Variants in SHC4 observed in about 807,000 individuals in gnomAD.
SHC4 encodes the protein SHC-transforming protein 4.
In SHC4, 41 loss-of-function variants were observed where a neutral mutation model predicts 69.4. The observed-to-expected ratio is 0.59, with a 90% CI of 0.46 to 0.77. SHC4 has a LOEUF of 0.77. Ranked by LOEUF, SHC4 falls within the 30% of genes least tolerant of loss-of-function variation. The pLI is 0.00. For missense variants in SHC4, 777 were observed against 783.8 expected (o/e 0.99, Z 0.10); for synonymous variants, 318 against 299.3 (o/e 1.06, Z -0.64).
At chr15:48,843,315 T>C in intron 10 of SHC4, 94 bp downstream of exon 10, 1 of 1,289,986 alleles carries the variant, frequency 7.8e-7, no homozygotes, top group Non-Finnish European at 1.1e-6. Context: ...TTTGGACTTC[T>C]GGCCTCCAGA....
At chr15:48,939,556 G>T (rs532348755) in intron 1 of SHC4, among the ~76,000 whole-genome samples, 2 of 152,300 alleles carry the variant, frequency 1.3e-5, no homozygotes, top group South Asian at 4.1e-4. Flanking sequence ...GGCAGAAGCT[G>T]GTTCTCATTT....
chr15:48,833,946 T>C (rs764294631), intron 11 of SHC4, among the ~76,000 whole-genome samples: 35 of 152,224 alleles, frequency 2.3e-4, no homozygotes, highest in Non-Finnish European at 4.0e-4. Flanking sequence ...TTTTGGTCAA[T>C]ATAGAGTTGT....
chr15:48,857,738 A>C lies in SHC4; in HGVS notation c.1024T>G (p.Phe342Val), dbSNP rs147900034. Residue 342 changes from phenylalanine to valine, a missense_variant, in exon 7 of 12, where the codon TTT (phenylalanine) becomes GTT (valine). Phe to Val is a conservative substitution (Grantham distance 50). Coordinates refer to ENST00000332408, the MANE Select transcript of SHC4 (RefSeq NM_203349.4). Reference sequence around the variant, plus strand: ...GAAGGATTTTTCAAGTACTGTTTAAACCGGAGTTCAAAAGCCTGCCCTATG... The same window carrying C: ...GAAGGATTTTTCAAGTACTGTTTAACCCGGAGTTCAAAAGCCTGCCCTATG... ...STIGQAFELR[F>V]KQYLKNPSLN... is the part of the protein sequence containing the mutation. 3.1e-6 allele frequency: 5 copies of C among 1,606,678 alleles called. No homozygotes were observed. In the African/African-American group the frequency reaches 5.3e-5, roughly 17 times the overall value.
chr15:48,895,849 G>A (rs1031832076), intron 2 of SHC4, among the ~76,000 whole-genome samples: 1 of 152,310 alleles, frequency 6.6e-6, no homozygotes, highest in African/African-American at 2.4e-5. Context: ...TAGGGAGGCC[G>A]AGGCAGGAGT....
In SHC4 at chr15:48,859,107, A is replaced by C. The variant is rs563693002; in HGVS notation, c.947-1292T>G. 8.7e-4 allele frequency among the ~76,000 whole-genome samples: 132 copies of C among 152,286 alleles called. 1 individual carries two copies. The highest frequency in any genetic ancestry group is 2.9e-3 in the African/African-American group (121 of 41,554). ...TATGCTTTGCATTGTCTTGGAAAAA[A>C]TTCATATTTATTTGAAGTAAAAGGC... is the stretch of plus-strand genomic sequence containing the variant. On this transcript the variant is annotated intron_variant, in intron 6 of 11. Coordinates refer to ENST00000332408, the MANE Select transcript of SHC4 (RefSeq NM_203349.4).
At chr15:48,878,366 C>A in intron 4 of SHC4, 6 of 1,613,154 alleles carry the variant, frequency 3.7e-6, no homozygotes, top group Non-Finnish European at 4.2e-6. Context: ...GGAGGAGGCC[C>A]AGCCAATGGC....
intron 4 of SHC4, among the ~76,000 whole-genome samples, chr15:48,880,663 T>C (rs1899922862): frequency 6.6e-6 from 1 of 152,130 alleles, no homozygotes; most frequent in Non-Finnish European, 1.5e-5. Flanking sequence ...GAGAAAAACC[T>C]GGGCTCTGCA....
At chr15:48,921,093 A>G (rs918508180) in intron 2 of SHC4, among the ~76,000 whole-genome samples, 2 of 152,242 alleles carry the variant, frequency 1.3e-5, no homozygotes, top group East Asian at 1.9e-4. Flanking sequence ...GACAAAATGT[A>G]GTATAGACGT....
intron 6 of SHC4, among the ~76,000 whole-genome samples, chr15:48,861,425 T>C (rs774080657): frequency 6.6e-6 from 1 of 152,238 alleles, no homozygotes; most frequent in Non-Finnish European, 1.5e-5. Context: ...TTGCCTCTCA[T>C]AGACATGCTA....
chr15:48,882,276 G>A (rs759973312), intron 4 of SHC4, among the ~76,000 whole-genome samples: 4 of 152,024 alleles, frequency 2.6e-5, no homozygotes, highest in Non-Finnish European at 5.9e-5. Flanking sequence ...AGGCCTGCAG[G>A]AAAGCTCAAA....
intron 1 of SHC4, among the ~76,000 whole-genome samples, chr15:48,928,788 T>A (rs1390708579): frequency 3.3e-5 from 5 of 152,052 alleles, no homozygotes; most frequent in Non-Finnish European, 7.4e-5. Context: ...CACAGGTGAC[T>A]CCCTGTTGCA....
intron 1 of SHC4, among the ~76,000 whole-genome samples, chr15:48,929,729 C>T (rs1372380628): frequency 6.6e-6 from 1 of 152,194 alleles, no homozygotes; most frequent in East Asian, 1.9e-4. Flanking sequence ...AGAGGACACT[C>T]CCTAATTCCC....
chr15:48,864,073 G>A (rs556236029), intron 6 of SHC4, among the ~76,000 whole-genome samples: 4 of 152,176 alleles, frequency 2.6e-5, no homozygotes, highest in African/African-American at 9.6e-5. Flanking sequence ...TTATTAGATT[G>A]TTTGTTTATT....
intron 1 of SHC4, among the ~76,000 whole-genome samples, chr15:48,928,581 T>C (rs1900898086): frequency 6.6e-6 from 1 of 152,202 alleles, no homozygotes; most frequent in Non-Finnish European, 1.5e-5. Flanking sequence ...CCATTCATTT[T>C]GGTTATCAAT....
At chr15:48,859,251 T>C (rs1039046432) in intron 6 of SHC4, among the ~76,000 whole-genome samples, 2 of 152,142 alleles carry the variant, frequency 1.3e-5, no homozygotes, top group East Asian at 3.9e-4. Context: ...GATATTCTCA[T>C]TCCAAAACTA....
intron 2 of SHC4, 48 bp downstream of exon 2, chr15:48,924,831 G>T: frequency 6.3e-7 from 1 of 1,579,360 alleles, no homozygotes; most frequent in South Asian, 1.1e-5. Context: ...AAATTATTGT[G>T]ACTTTAAACC....
chr15:48,907,899 G>A (rs183429642), intron 2 of SHC4, among the ~76,000 whole-genome samples: 18 of 143,786 alleles, frequency 1.3e-4, no homozygotes, highest in African/African-American at 4.2e-4. Flanking sequence ...TCCACTTGTT[G>A]ATTGATGGGC....
At chr15:48,872,021 T>C in intron 5 of SHC4, 68 bp downstream of exon 5, 7 of 964,022 alleles carry the variant, frequency 7.3e-6, no homozygotes, top group Admixed American at 2.3e-5. Context: ...TATTTTATTA[T>C]CATCCAGCCC....
At chr15:48,916,237 G>A (rs1900617290) in intron 2 of SHC4, among the ~76,000 whole-genome samples, 1 of 150,436 alleles carries the variant, frequency 6.6e-6, no homozygotes. Context: ...TAATTGTTCA[G>A]CTGCATCTTG....
Sources: gnomAD v4.1 joint callset for allele counts (sites outside exome capture counted in the v4.1 genomes callset) on GRCh38, gnomAD v4.1.1 for gene constraint, MANE v1.5 for transcripts, NCBI Gene and HGNC (gene_info 2026-07-23, HGNC 2026-07-21) for gene names.